Variants in AGTPBP1 observed in about 807,000 individuals in gnomAD.
AGTPBP1 encodes cytosolic carboxypeptidase 1.
Under a neutral mutation model 143.9 loss-of-function variants are expected in AGTPBP1, and 70 were observed. The ratio of observed to expected loss-of-function variants is 0.49; its 90% confidence interval spans 0.40 to 0.59. The LOEUF (loss-of-function observed/expected upper bound fraction) is 0.59. Among genes scored for constraint, AGTPBP1 ranks in the 20% least tolerant of loss-of-function variants. AGTPBP1 has a pLI of 0.00. For missense variants in AGTPBP1, 1,229 were observed against 1,464.5 expected (o/e 0.84, Z 2.62); for synonymous variants, 463 against 500.2 (o/e 0.93, Z 0.99).
At chr9:85,586,750 G>A in intron 22 of AGTPBP1, 81 bp downstream of exon 22, 1 of 1,469,610 alleles carries the variant, frequency 6.8e-7, no homozygotes, top group Non-Finnish European at 9.3e-7. Flanking sequence ...TTGACCTCAT[G>A]ATTATCACAC....
At chr9:85,749,149 C>T in the AGTPBP1 span, among the ~76,000 whole-genome samples, 4 of 151,826 alleles carry the variant, frequency 2.6e-5, no homozygotes, top group African/African-American at 9.7e-5. Flanking sequence ...CACATGCCAG[C>T]GTACCTCACA....
upstream of AGTPBP1, among the ~76,000 whole-genome samples, chr9:85,742,263 C>A (rs150380663): frequency 2.0e-5 from 3 of 152,232 alleles, no homozygotes; most frequent in African/African-American, 7.2e-5. Context: ...CCCTCCGTAC[C>A]GAACTGCGAG....
chr9:85,643,667 A>G (rs1832639603), intron 12 of AGTPBP1, among the ~76,000 whole-genome samples: 1 of 152,276 alleles, frequency 6.6e-6, no homozygotes, highest in African/African-American at 2.4e-5. Context: ...TCTCTCTAGG[A>G]AAAAAAGCAG....
chr9:85,739,558 CTT>C (rs1824086218), intron 1 of AGTPBP1, among the ~76,000 whole-genome samples: 1 of 151,434 alleles, frequency 6.6e-6, no homozygotes. Context: ...AAAACAAAAA[CTT>C]AGCCGGGCGT....
chr9:85,706,337 C>T (rs1040078116), intron 2 of AGTPBP1, among the ~76,000 whole-genome samples: 6 of 151,082 alleles, frequency 4.0e-5, no homozygotes, highest in African/African-American at 1.5e-4. Context: ...TGGTGAAACC[C>T]CTTCTCTACT....
the AGTPBP1 span, among the ~76,000 whole-genome samples, chr9:85,783,656 T>C: frequency 2.0e-5 from 3 of 152,128 alleles, no homozygotes; most frequent in Non-Finnish European, 4.4e-5. Flanking sequence ...TGTTTTTGAA[T>C]GGAGTTTCAC....
chr9:85,632,150 G>A (rs1041604387), intron 14 of AGTPBP1, among the ~76,000 whole-genome samples: 3 of 151,778 alleles, frequency 2.0e-5, no homozygotes, highest in East Asian at 1.9e-4. Context: ...CATACAATGC[G>A]TAATAATCAC....
intron 13 of AGTPBP1, among the ~76,000 whole-genome samples, chr9:85,640,991 T>G (rs1161168898): frequency 6.6e-6 from 1 of 152,204 alleles, no homozygotes; most frequent in Non-Finnish European, 1.5e-5. Context: ...TGCTCCATTC[T>G]GAGTAGCATA....
At chr9:85,773,996 G>A in the AGTPBP1 span, 24 of 1,610,898 alleles carry the variant, frequency 1.5e-5, no homozygotes, top group East Asian at 2.2e-5. Flanking sequence ...AGCAAAAGGA[G>A]CACGAACAAA....
chr9:85,782,487 C>A, the AGTPBP1 span, among the ~76,000 whole-genome samples: 1 of 152,234 alleles, frequency 6.6e-6, no homozygotes. Flanking sequence ...TGCACCCCGA[C>A]CTGGGCCACA....
At chr9:85,792,903 T>C in the AGTPBP1 span, among the ~76,000 whole-genome samples, 1 of 152,218 alleles carries the variant, frequency 6.6e-6, no homozygotes, top group East Asian at 1.9e-4. Flanking sequence ...CACATGGTTG[T>C]TTATTTTATA....
chr9:85,741,922 G>GCTGCGGCGGCGGCGC lies in AGTPBP1; in HGVS notation c.-196_-182dup. 1 of 1,318,058 alleles carries GCTGCGGCGGCGGCGC rather than the reference G, an allele frequency of 7.6e-7. No homozygotes were observed. The allele number at this position is 1,318,058 out of a possible 1,614,324, so 81.6% of individuals were successfully genotyped here. ...CGAGGCGGAGGCGGCGGCGGCGGCA[G>GCTGCGGCGGCGGCGC]CTGCGGCGGCGGCGCTGGAGGCGGC... On this transcript the variant is annotated 5_prime_UTR_variant, in exon 1 of 26. Coordinates refer to ENST00000357081, the MANE Select transcript of AGTPBP1 (RefSeq NM_001330701.2).
the AGTPBP1 span, among the ~76,000 whole-genome samples, chr9:85,754,539 T>A: frequency 6.6e-6 from 1 of 152,196 alleles, no homozygotes; most frequent in African/African-American, 2.4e-5. Flanking sequence ...CCAAATTGTA[T>A]ATGTACTTTA....
intron 1 of AGTPBP1, among the ~76,000 whole-genome samples, chr9:85,725,294 T>C (rs1412611720): frequency 6.6e-6 from 1 of 151,994 alleles, no homozygotes; most frequent in Non-Finnish European, 1.5e-5. Flanking sequence ...GATCAGAAAT[T>C]TAACAAAAAA....
chr9:85,757,930 G>C, the AGTPBP1 span, among the ~76,000 whole-genome samples: 1 of 152,230 alleles, frequency 6.6e-6, no homozygotes, highest in Non-Finnish European at 1.5e-5. Context: ...ATGAATGCAA[G>C]TCTGCATATG....
the AGTPBP1 span, among the ~76,000 whole-genome samples, chr9:85,792,682 AAC>A: frequency 2.0e-5 from 3 of 152,238 alleles, no homozygotes; most frequent in Non-Finnish European, 4.4e-5. Flanking sequence ...TTTCAAATGA[AAC>A]ACAAAGTAAT....
intron 25 of AGTPBP1, among the ~76,000 whole-genome samples, chr9:85,547,914 G>C (rs1224135483): frequency 6.6e-6 from 1 of 152,168 alleles, no homozygotes; most frequent in Admixed American, 6.5e-5. Context: ...CATGAAGTAG[G>C]TTGTTTGGGA....
At chr9:85,588,618 G>C (rs953665092) in intron 20 of AGTPBP1, 140 bp from the exon 21 acceptor site, 2 of 771,570 alleles carry the variant, frequency 2.6e-6, no homozygotes, top group Admixed American at 3.0e-5. Flanking sequence ...CATCCTACAA[G>C]CACTGCACTA....
chr9:85,686,859 G>A (rs1237848200), intron 3 of AGTPBP1, among the ~76,000 whole-genome samples: 1 of 152,022 alleles, frequency 6.6e-6, no homozygotes, highest in Non-Finnish European at 1.5e-5. Context: ...GAATGTAAAA[G>A]ACATGAAACA....
Sources: allele counts gnomAD v4.1 joint callset (sites outside exome capture counted in the v4.1 genomes callset), GRCh38; gene constraint gnomAD v4.1.1; transcripts MANE v1.5; gene names NCBI Gene and HGNC (gene_info 2026-07-23, HGNC 2026-07-21).